Variants in ABCB5 observed in about 807,000 individuals in gnomAD.
ABCB5 encodes ATP-binding cassette sub-family B member 5.
ABCB5 carries 155 observed loss-of-function variants against 144.2 expected under a neutral mutation model. The ratio of observed to expected loss-of-function variants is 1.08; its 90% CI spans 0.94 to 1.23. The LOEUF is 1.23. Among genes scored for constraint, ABCB5 ranks in the 50% most tolerant of loss-of-function variants. The pLI is 0.00. For synonymous variants in ABCB5, 610 were observed against 528.6 expected (o/e 1.15, Z -2.11); for missense variants, 1,830 against 1,520.8 (o/e 1.20, Z -3.38).
At position 20,666,230 on chromosome 7, in the gene ABCB5, G is replaced by A. The variant is rs527718233; in HGVS notation, c.1707+7554G>A. 1.1e-3 allele frequency among the ~76,000 whole-genome samples: 173 copies of A among 151,628 alleles called. 1 individual carries two copies. The highest frequency in any genetic ancestry group is 4.0e-3 in the African/African-American group (167 of 41,346). On this transcript the variant is annotated intron_variant, in intron 14 of 27. Coordinates refer to ENST00000404938, the MANE Select transcript of ABCB5 (RefSeq NM_001163941.2). ...ACTACATCATGGAGTACATGTCACCGATGAGCCCCAAATCCAACTGAGGCA... is the reference window on the plus strand; with the variant it reads ...ACTACATCATGGAGTACATGTCACCAATGAGCCCCAAATCCAACTGAGGCA...
intron 23 of ABCB5, among the ~76,000 whole-genome samples, chr7:20,734,645 C>A (rs1350622777): frequency 1.3e-5 from 2 of 151,434 alleles, no homozygotes; most frequent in African/African-American, 4.9e-5. Flanking sequence ...GAGGAAAAAG[C>A]CTCTAAAAGA....
chr7:20,672,100 AT>A (rs980466364), intron 14 of ABCB5, among the ~76,000 whole-genome samples: 2 of 151,988 alleles, frequency 1.3e-5, no homozygotes, highest in South Asian at 2.1e-4. Context: ...AACCATCCAC[AT>A]TTTTTTCTTT....
At chr7:20,728,669 G>A (rs1349696422) in intron 23 of ABCB5, among the ~76,000 whole-genome samples, 1 of 152,176 alleles carries the variant, frequency 6.6e-6, no homozygotes, top group African/African-American at 2.4e-5. Context: ...CAGGAGAATC[G>A]ATTGAACCCA....
intron 1 of ABCB5, among the ~76,000 whole-genome samples, chr7:20,618,718 T>C (rs1783741032): frequency 6.6e-6 from 1 of 151,914 alleles, no homozygotes; most frequent in South Asian, 2.1e-4. Context: ...TCCAGCTGCA[T>C]TTATGTTGCT....
chr7:20,693,376 A>G (rs1437408876), intron 16 of ABCB5, among the ~76,000 whole-genome samples: 1 of 151,924 alleles, frequency 6.6e-6, no homozygotes, highest in African/African-American at 2.4e-5. Context: ...AAAAAAAAGA[A>G]AAAAAATCAA....
In ABCB5 at chr7:20,651,497, GC is replaced by G; in HGVS notation, c.1412del (p.Pro471LeufsTer19). On this transcript the variant is annotated frameshift_variant, in exon 13 of 28. Coordinates refer to ENST00000404938, the MANE Select transcript of ABCB5 (RefSeq NM_001163941.2). LOFTEE classifies it high-confidence loss of function. ...ACCATATTGGAGTGGTTAGTCAAGA[GC>G]CTGTTTTGTTCGGGACCACCATCAG... ...RDHIGVVSQE[P>X]VLFGTTISNN... 6.2e-7 allele frequency: 1 copy of G among 1,614,090 alleles called. No homozygotes were observed. Among genetic ancestry groups the G allele is most frequent in the Non-Finnish European group, 8.5e-7 (1 of 1,180,006 alleles).
At chr7:20,694,507 C>T (rs1786341987) in intron 16 of ABCB5, among the ~76,000 whole-genome samples, 1 of 152,008 alleles carries the variant, frequency 6.6e-6, no homozygotes, top group African/African-American at 2.4e-5. Context: ...CGGCTAACAT[C>T]ATACTAAATG....
At chr7:20,738,831 TAA>T (rs1782469728) in intron 23 of ABCB5, 150 bp from the exon 24 acceptor site, 3 of 767,070 alleles carry the variant, frequency 3.9e-6, no homozygotes, top group Non-Finnish European at 5.6e-6. Context: ...AGAAATTTTT[TAA>T]AGAGATAACT....
intron 19 of ABCB5, among the ~76,000 whole-genome samples, chr7:20,704,193 C>T (rs1198122307): frequency 6.7e-6 from 1 of 149,710 alleles, no homozygotes; most frequent in Non-Finnish European, 1.5e-5. Context: ...CTCCCCACCT[C>T]AGCCTCCCAA....
At chr7:20,625,980 A>G (rs1230487774) in intron 2 of ABCB5, among the ~76,000 whole-genome samples, 1 of 152,228 alleles carries the variant, frequency 6.6e-6, no homozygotes, top group Non-Finnish European at 1.5e-5. Context: ...CACCTACTAC[A>G]ATGTGGATGA....
intron 14 of ABCB5, among the ~76,000 whole-genome samples, chr7:20,664,640 T>C (rs917717470): frequency 6.6e-6 from 1 of 152,214 alleles, no homozygotes; most frequent in African/African-American, 2.4e-5. Context: ...AGAATAAAAA[T>C]AGGTAAGCTA....
chr7:20,630,992 T>C (rs1296145910), intron 4 of ABCB5, among the ~76,000 whole-genome samples: 2 of 152,194 alleles, frequency 1.3e-5, no homozygotes, highest in East Asian at 1.9e-4. Flanking sequence ...AGTAGGGATA[T>C]TAAGAGGCAA....
At chr7:20,702,564 T>C (rs1004978358) in intron 19 of ABCB5, among the ~76,000 whole-genome samples, 4 of 151,998 alleles carry the variant, frequency 2.6e-5, no homozygotes, top group Non-Finnish European at 5.9e-5. Context: ...AACCTACACA[T>C]GTACTCTTCA....
At chr7:20,636,357 G>C (rs1474403346) in intron 5 of ABCB5, among the ~76,000 whole-genome samples, 2 of 151,660 alleles carry the variant, frequency 1.3e-5, no homozygotes, top group African/African-American at 2.4e-5. Context: ...ACAATAAAAG[G>C]GACAATAAGA....
chr7:20,711,628 A>G (rs60057191), intron 20 of ABCB5, among the ~76,000 whole-genome samples: 99,290 of 146,992 alleles, frequency 0.68, 36,141 homozygotes, highest in East Asian at 0.95. Flanking sequence ...TGTCCAGTTA[A>G]TTGTTTGTAG....
At chr7:20,629,185 T>TGTGTGTGTGTG (rs1783977976) in intron 4 of ABCB5, among the ~76,000 whole-genome samples, 1 of 144,954 alleles carries the variant, frequency 6.9e-6, no homozygotes, top group African/African-American at 2.6e-5. Context: ...TGTGTGTGTG[T>TGTGTGTGTGTG]AAAGAGTGAG....
intron 5 of ABCB5, among the ~76,000 whole-genome samples, chr7:20,639,262 G>A (rs1237937557): frequency 6.6e-6 from 1 of 152,096 alleles, no homozygotes; most frequent in South Asian, 2.1e-4. Context: ...CAAGTTCTTT[G>A]TTGGATATAC....
At chr7:20,750,648 T>A (rs1008789700) in intron 26 of ABCB5, among the ~76,000 whole-genome samples, 2 of 152,082 alleles carry the variant, frequency 1.3e-5, no homozygotes, top group African/African-American at 4.8e-5. Context: ...ATATCGTATA[T>A]GTATAATACG....
rs184350681 is a variant in ABCB5, at chr7:20,684,636, C to T, written c.1870-1060C>T. On this transcript the variant is annotated intron_variant, in intron 15 of 27. Coordinates refer to ENST00000404938, the MANE Select transcript of ABCB5 (RefSeq NM_001163941.2). ...AAACAAAAAATAAAAAATTTCAAAG[C>T]CATATAAAATATTTCTTTCATGGCA... is the stretch of plus-strand genomic sequence containing the variant. 4.7e-4 allele frequency among the ~76,000 whole-genome samples: 72 copies of T among 152,136 alleles called. 1 individual carries two copies. The Middle Eastern group carries it at 0.01, about 22-fold the overall frequency.
Sources: gnomAD v4.1 joint callset for allele counts (sites outside exome capture counted in the v4.1 genomes callset) on GRCh38, gnomAD v4.1.1 for gene constraint, MANE v1.5 for transcripts, NCBI Gene and HGNC (gene_info 2026-07-23, HGNC 2026-07-21) for gene names.